Variants in LOXL2 observed in about 807,000 individuals in gnomAD.
The protein encoded by LOXL2 is lysyl oxidase homolog 2.
In LOXL2, 70 loss-of-function variants were observed where a neutral mutation model predicts 93.0. The observed-to-expected ratio is 0.75, with a 90% CI of 0.62 to 0.92. The LOEUF is 0.92. Among genes scored for constraint, LOXL2 ranks in the 40% least tolerant of loss-of-function variants. The pLI is 0.00. For missense variants in LOXL2, 973 were observed against 1,054.9 expected (o/e 0.92, Z 1.08); for synonymous variants, 438 against 413.2 (o/e 1.06, Z -0.73).
intron 1 of LOXL2, chr8:23,370,892 G>C (rs11782980): frequency 0.12 from 18,485 of 152,292 alleles, 1,393 homozygotes; most frequent in Admixed American, 0.18. Flanking sequence ...GAAGAGGAGA[G>C]AAAGGATGTG....
chr8:23,320,240 C>T (rs2117158150), intron 7 of LOXL2, among the ~76,000 whole-genome samples, 188 bp from the exon 8 acceptor site: 1 of 152,264 alleles, frequency 6.6e-6, no homozygotes, highest in Admixed American at 6.5e-5. Context: ...TAGTGAGGTC[C>T]CCACCCCAGG....
intron 3 of LOXL2, among the ~76,000 whole-genome samples, chr8:23,352,370 G>A (rs1052021902): frequency 1.3e-5 from 2 of 152,126 alleles, no homozygotes; most frequent in Non-Finnish European, 2.9e-5. Flanking sequence ...ATTTAGGCAT[G>A]GGGGGACCAC....
intron 2 of LOXL2, chr8:23,364,066 G>C (rs1163030970): frequency 3.3e-5 from 5 of 152,352 alleles, no homozygotes; most frequent in African/African-American, 1.2e-4. Context: ...GGTAGAGATA[G>C]GATTTCACCA....
chr8:23,311,524 T>A (rs1389333931), intron 9 of LOXL2, among the ~76,000 whole-genome samples: 1 of 152,196 alleles, frequency 6.6e-6, no homozygotes, highest in Non-Finnish European at 1.5e-5. Flanking sequence ...GGTCTCCACT[T>A]GGGCTCTCCC....
chr8:23,340,818 C>A (rs1563195622), intron 4 of LOXL2, among the ~76,000 whole-genome samples, 174 bp downstream of exon 4: 1 of 152,160 alleles, frequency 6.6e-6, no homozygotes, highest in Non-Finnish European at 1.5e-5. Context: ...CCACGGGGCA[C>A]CCTTGAACTT....
At chr8:23,321,809 T>G in intron 7 of LOXL2, 1 of 285,962 alleles carries the variant, frequency 3.5e-6, no homozygotes. Flanking sequence ...TGCACCGTGT[T>G]TTGATAAGGT....
At chr8:23,328,781 A>G in intron 5 of LOXL2, 6 of 531,360 alleles carry the variant, frequency 1.1e-5, no homozygotes, top group Non-Finnish European at 2.0e-5. Flanking sequence ...CTTCCTCTAT[A>G]GAGTCAGCTC....
At chr8:23,332,049 A>G (rs1470021484) in intron 5 of LOXL2, 1 of 140,936 alleles carries the variant, frequency 7.1e-6, no homozygotes, top group Non-Finnish European at 1.5e-5. Flanking sequence ...AAAAAAAAAA[A>G]GAAGAAGAAG....
intron 13 of LOXL2, among the ~76,000 whole-genome samples, chr8:23,298,467 CAGT>C (rs1395641758): frequency 6.6e-6 from 1 of 152,204 alleles, no homozygotes; most frequent in South Asian, 2.1e-4. Context: ...CTAGAAATAA[CAGT>C]AGTTTGCTAG....
At chr8:23,301,793 A>G (rs1803136165) in intron 12 of LOXL2, among the ~76,000 whole-genome samples, 1 of 152,198 alleles carries the variant, frequency 6.6e-6, no homozygotes, top group African/African-American at 2.4e-5. Context: ...TGTTAACTCA[A>G]TCAAATGTGA....
intron 1 of LOXL2, among the ~76,000 whole-genome samples, chr8:23,391,232 A>C (rs4872122): frequency 0.64 from 97,202 of 152,012 alleles, 31,596 homozygotes; most frequent in East Asian, 0.87. Flanking sequence ...GATCCCTACA[A>C]CCTTAACAAA....
chr8:23,395,830 T>C (rs780527291), intron 1 of LOXL2, among the ~76,000 whole-genome samples: 2 of 151,776 alleles, frequency 1.3e-5, no homozygotes, highest in Non-Finnish European at 2.9e-5. Flanking sequence ...TGCACCACCA[T>C]GACTGGCTAA....
rs567832684 is a variant in LOXL2 at position 23,339,316 on chromosome 8, A to G, written c.743+1676T>C. 2.6e-5 allele frequency among the ~76,000 whole-genome samples: 4 copies of G among 152,204 alleles called. No homozygotes were observed. In the South Asian group the frequency reaches 8.3e-4, roughly 32 times the overall value. On this transcript the variant is annotated intron_variant, in intron 4 of 13. Coordinates refer to ENST00000389131, the MANE Select transcript of LOXL2 (RefSeq NM_002318.3). The stretch of plus-strand genomic sequence containing the variant: ...CTGTTCTTCATCACCCATCCTGCAG[A>G]CAGCACCACCCACCACCCCCTCCTT...
At chr8:23,371,017 C>T (rs1804484739) in intron 1 of LOXL2, 1 of 152,240 alleles carries the variant, frequency 6.6e-6, no homozygotes, top group Non-Finnish European at 1.5e-5. Flanking sequence ...CGAAATCCAA[C>T]TGCAGAGAAG....
At chr8:23,396,051 C>A (rs1162576634) in intron 1 of LOXL2, among the ~76,000 whole-genome samples, 1 of 152,034 alleles carries the variant, frequency 6.6e-6, no homozygotes, top group Non-Finnish European at 1.5e-5. Flanking sequence ...AGTCTGGGCA[C>A]GGTGGCTTAC....
chr8:23,354,422 G>A (rs1804148893), intron 3 of LOXL2, among the ~76,000 whole-genome samples: 1 of 152,160 alleles, frequency 6.6e-6, no homozygotes, highest in East Asian at 1.9e-4. Context: ...TTTTGAATCT[G>A]CCCCTTCCAA....
intron 3 of LOXL2, among the ~76,000 whole-genome samples, chr8:23,357,942 A>T: frequency 6.6e-6 from 1 of 152,284 alleles, no homozygotes; most frequent in East Asian, 1.9e-4. Flanking sequence ...GGAGTTGGAG[A>T]TGTTGTTCCC....
Position 23,297,725 on chromosome 8 carries a change from GAAT to G in LOXL2, c.*315_*317del. Reference sequence around the variant, plus strand: ...GTGTCTGTGGTGAGCTCGGTGGCTTGAATGGGACAAGCTGATGACAACCTGTCT... The same window carrying G: ...GTGTCTGTGGTGAGCTCGGTGGCTTGGGGACAAGCTGATGACAACCTGTCT... On this transcript the variant is annotated 3_prime_UTR_variant, in exon 14 of 14. Coordinates refer to ENST00000389131, the MANE Select transcript of LOXL2 (RefSeq NM_002318.3). 1 of 227,458 alleles carries G rather than the reference GAAT, an allele frequency of 4.4e-6. No individual in the cohort carries two copies. Among genetic ancestry groups the G allele is most frequent in the Non-Finnish European group, 8.4e-6 (1 of 118,364 alleles). 14.1% of individuals were successfully genotyped at this position (227,458 alleles called of 1,614,324 possible).
At chr8:23,401,077 C>T (rs1466093577) in intron 1 of LOXL2, among the ~76,000 whole-genome samples, 3 of 152,198 alleles carry the variant, frequency 2.0e-5, no homozygotes, top group African/African-American at 7.2e-5. Flanking sequence ...CACCGAAGCC[C>T]AGCCATGAGG....
Sources: gnomAD v4.1 joint callset for allele counts (sites outside exome capture counted in the v4.1 genomes callset) on GRCh38, gnomAD v4.1.1 for gene constraint, MANE v1.5 for transcripts, NCBI Gene and HGNC (gene_info 2026-07-23, HGNC 2026-07-21) for gene names.